The following SNX13 variants were observed in gnomAD, a reference collection of about 807,000 sequenced individuals.
SNX13 encodes the protein sorting nexin-13.
In SNX13, 45 loss-of-function variants were observed where a neutral mutation model predicts 133.6. The observed-to-expected ratio is 0.34, with a 90% CI of 0.27 to 0.43. The LOEUF is 0.43. Ranked by LOEUF, SNX13 falls within the 20% of genes least tolerant of loss-of-function variation. The pLI is 1.00. For missense variants in SNX13, 1,032 were observed against 1,145.1 expected (o/e 0.90, Z 1.43); for synonymous variants, 414 against 373.9 (o/e 1.11, Z -1.24).
chr7:17,833,946 A>G (rs1213015478), intron 15 of SNX13, 106 bp downstream of exon 15: 23 of 785,160 alleles, frequency 2.9e-5, no homozygotes, highest in Non-Finnish European at 4.1e-5. Flanking sequence ...ATTACAGTTT[A>G]TATTTGGACT....
At chr7:17,922,399 T>C (rs760337713) in intron 1 of SNX13, among the ~76,000 whole-genome samples, 4 of 152,138 alleles carry the variant, frequency 2.6e-5, no homozygotes, top group Admixed American at 6.6e-5. Flanking sequence ...ATACTGTAAG[T>C]CTCCTGAGGG....
At chr7:17,931,218 G>A (rs1477933506) in intron 1 of SNX13, among the ~76,000 whole-genome samples, 1 of 152,162 alleles carries the variant, frequency 6.6e-6, no homozygotes, top group African/African-American at 2.4e-5. Flanking sequence ...CACCAGTTGT[G>A]TTTCTCAGCT....
At chr7:17,897,786 C>T (rs557655115) in intron 1 of SNX13, 147 of 158,648 alleles carry the variant, frequency 9.3e-4, no homozygotes, top group Non-Finnish European at 1.7e-3. Flanking sequence ...AACATCTGTA[C>T]ATTTATATTT....
chr7:17,800,133 T>C (rs1784460253), intron 22 of SNX13, among the ~76,000 whole-genome samples: 1 of 151,692 alleles, frequency 6.6e-6, no homozygotes, highest in Admixed American at 6.6e-5. Flanking sequence ...TTCCTACGAG[T>C]TTGGTGCCAT....
chr7:17,877,677 TTA>T (rs1176724298), intron 5 of SNX13, among the ~76,000 whole-genome samples: 3 of 152,048 alleles, frequency 2.0e-5, no homozygotes, highest in Admixed American at 2.0e-4. Context: ...TCTTGATTCA[TTA>T]TAGAGGATGT....
At chr7:17,893,840 C>T (rs1209980802) in intron 2 of SNX13, among the ~76,000 whole-genome samples, 4 of 150,486 alleles carry the variant, frequency 2.7e-5, no homozygotes, top group African/African-American at 9.8e-5. Flanking sequence ...AGGGTGGTGG[C>T]TTGCACCTGT....
chr7:17,888,816 A>G (rs577921638), intron 5 of SNX13: 32 of 450,946 alleles, frequency 7.1e-5, no homozygotes, highest in Non-Finnish European at 1.5e-4. Context: ...CAGGGCAGTT[A>G]TTATTACACT....
intron 25 of SNX13, 186 bp from the exon 26 acceptor site, chr7:17,794,478 C>T (rs1239163128): frequency 4.8e-5 from 32 of 662,784 alleles, no homozygotes; most frequent in South Asian, 8.8e-5. Context: ...CATCTATTTA[C>T]GCACTTAATG....
chr7:17,804,265 T>A (rs1439901710), intron 20 of SNX13, among the ~76,000 whole-genome samples: 1 of 152,148 alleles, frequency 6.6e-6, no homozygotes, highest in African/African-American at 2.4e-5. Flanking sequence ...AGCCACTATA[T>A]ACTTCTGGCA....
chr7:17,825,061 G>A (rs1243674947), intron 17 of SNX13, among the ~76,000 whole-genome samples: 1 of 152,132 alleles, frequency 6.6e-6, no homozygotes, highest in Admixed American at 6.6e-5. Flanking sequence ...GAGCCACCAA[G>A]CCCAGCCTGA....
At chr7:17,823,980 C>A (rs1787591879) in intron 17 of SNX13, among the ~76,000 whole-genome samples, 1 of 151,614 alleles carries the variant, frequency 6.6e-6, no homozygotes, top group South Asian at 2.1e-4. Context: ...AGGGTGGATG[C>A]ACAATAGGAA....
At chr7:17,806,935 G>A (rs949266135) in intron 20 of SNX13, among the ~76,000 whole-genome samples, 2 of 152,184 alleles carry the variant, frequency 1.3e-5, no homozygotes, top group Admixed American at 6.5e-5. Context: ...CAGATACTAC[G>A]CTTTTCCCAC....
chr7:17,820,580 C>T (rs1019797531), intron 18 of SNX13, among the ~76,000 whole-genome samples: 1 of 152,034 alleles, frequency 6.6e-6, no homozygotes, highest in African/African-American at 2.4e-5. Flanking sequence ...TCTTTTTCAT[C>T]ACTTTAAAGC....
chr7:17,814,985 T>G (rs1786499612), intron 19 of SNX13, 41 bp from the exon 20 acceptor site: 1 of 1,340,926 alleles, frequency 7.5e-7, no homozygotes, highest in Non-Finnish European at 9.6e-7. Context: ...TATCTTAAAC[T>G]GACAGAATGC....
intron 17 of SNX13, among the ~76,000 whole-genome samples, chr7:17,824,273 A>T (rs1162801344): frequency 6.6e-6 from 1 of 152,138 alleles, no homozygotes. Flanking sequence ...TTCTCAATGA[A>T]GGAAGCAATA....
At chr7:17,836,781 G>A (rs998854161) in intron 13 of SNX13, among the ~76,000 whole-genome samples, 2 of 151,936 alleles carry the variant, frequency 1.3e-5, no homozygotes, top group Non-Finnish European at 2.9e-5. Context: ...ATACTTAAAT[G>A]TTATAGGCTA....
chr7:17,829,131 T>C (rs1788209799), intron 16 of SNX13, among the ~76,000 whole-genome samples: 1 of 151,608 alleles, frequency 6.6e-6, no homozygotes, highest in Non-Finnish European at 1.5e-5. Flanking sequence ...AAGGTTATTT[T>C]AGAAGCAGAC....
chr7:17,885,043 C>T (rs1031918375), intron 5 of SNX13, among the ~76,000 whole-genome samples: 11 of 152,226 alleles, frequency 7.2e-5, no homozygotes, highest in African/African-American at 2.4e-4. Flanking sequence ...AAAACTTGTA[C>T]ATGAATACTC....
At chr7:17,937,649 A>G (rs1477746756) in intron 1 of SNX13, among the ~76,000 whole-genome samples, 1 of 152,176 alleles carries the variant, frequency 6.6e-6, no homozygotes, top group Admixed American at 6.5e-5. Context: ...AAAAATAAAA[A>G]TAGTATGCTG....
Sources: allele counts gnomAD v4.1 joint callset (sites outside exome capture counted in the v4.1 genomes callset), GRCh38; gene constraint gnomAD v4.1.1; transcripts MANE v1.5; gene names NCBI Gene and HGNC (gene_info 2026-07-23, HGNC 2026-07-21).